Variants in CNNM3 observed in about 807,000 individuals in gnomAD.
CNNM3 encodes cyclin and CBS domain divalent metal cation transport mediator 3, also known as metal transporter CNNM3.
A neutral mutation model predicts 57.1 loss-of-function variants in CNNM3; 47 were observed. The ratio of observed to expected loss-of-function variants is 0.82; its 90% confidence interval spans 0.65 to 1.05. The LOEUF is 1.05. Ranked by LOEUF, CNNM3 falls within the 50% of genes least tolerant of loss-of-function variation. The pLI is 0.00. For missense variants in CNNM3, 957 were observed against 973.7 expected, an observed-to-expected ratio of 0.98 and a Z score of 0.23; for synonymous variants, 507 against 478.2, an observed-to-expected ratio of 1.06 and a Z score of -0.79.
chr2:96,824,221 T>C (rs937878767), intron 1 of CNNM3, among the ~76,000 whole-genome samples: 3 of 152,242 alleles, frequency 2.0e-5, no homozygotes, highest in Non-Finnish European at 2.9e-5. Context: ...CTTGGGCTTT[T>C]TTCCAAGCTT....
Position 96,817,267 on chromosome 2 carries a change from C to A in CNNM3, c.990C>A (p.Ser330Arg). Residue 330 changes from serine (S) to arginine (R), a missense_variant, in exon 1 of 8, where the codon AGC becomes AGA. Around this residue, in one of 2 missense-constraint regions of CNNM3, gnomAD observed 491 missense variants for 570.6 expected, o/e 0.86. Coordinates refer to ENST00000305510, the MANE Select transcript of CNNM3 (RefSeq NM_017623.5). ...PLEDCFMLDA[S>R]TVLDFGVLAS... ...AAGACTGCTTCATGCTGGACGCCAG[C>A]ACCGTGCTGGACTTCGGCGTCCTGG... 1 of 1,612,490 alleles carries A rather than the reference C, an allele frequency of 6.2e-7. No individual in the cohort carries two copies. Among genetic ancestry groups the A allele is most frequent in the Non-Finnish European group, 8.5e-7 (1 of 1,179,992 alleles).
rs59161358 is a variant in CNNM3 at position 96,834,330 on chromosome 2, T to TTTA, written c.*1744_*1746dup. ...ATCAGAGTTTTCAATTTTTTATTTA[T>TTTA]TTATTATTATTATTATTATTATTAT... On this transcript the variant is annotated 3_prime_UTR_variant, in exon 8 of 8. Coordinates refer to ENST00000305510, the MANE Select transcript of CNNM3 (RefSeq NM_017623.5). Among the ~76,000 whole-genome samples the TTTA allele has an allele frequency of 0.098, 14,385 of 146,384 alleles. 958 individuals carry two copies. The highest frequency in any genetic ancestry group is 0.2 in the African/African-American group (7,653 of 38,998).
rs372431096 is a variant in CNNM3 at position 96,817,461 on chromosome 2, A to G, written c.1184A>G (p.Asn395Ser). The G allele has an allele frequency of 9.3e-6, 15 of 1,613,832 alleles. No homozygotes were observed. Among genetic ancestry groups the G allele is most frequent in the African/African-American group, 1.3e-5 (1 of 74,896 alleles). Residue 395 changes from asparagine to serine, a missense_variant, in exon 1 of 8, where the codon AAC becomes AGC. Physicochemically the swap from Asn to Ser is conservative, Grantham distance 46. This residue lies in a region of CNNM3 where 491 missense variants were observed against 570.6 expected (regional missense o/e 0.86). Coordinates refer to ENST00000305510, the MANE Select transcript of CNNM3 (RefSeq NM_017623.5). The stretch of plus-strand genomic sequence containing the variant: ...AACCATCCGCTCCACTTCGTCTTCA[A>G]CGACACCAAGCTGGACGCTGTCCTG... Reference protein sequence around the residue: ...FYNHPLHFVFNDTKLDAVLEE... With the variant: ...FYNHPLHFVFSDTKLDAVLEE...
At chr2:96,820,487 C>T (rs2079389539) in intron 1 of CNNM3, among the ~76,000 whole-genome samples, 1 of 152,206 alleles carries the variant, frequency 6.6e-6, no homozygotes, top group Middle Eastern at 3.4e-3. Flanking sequence ...GCCTCAGCCT[C>T]CTAGGAGCAC....
At position 96,828,676 on chromosome 2, in the gene CNNM3, GCT is replaced by G. The variant is rs1311673508; in HGVS notation, c.1901_1902del (p.Ser634Ter). 9 of 1,614,152 alleles carry G rather than the reference GCT, an allele frequency of 5.6e-6. No homozygotes were observed. Among genetic ancestry groups the G allele is most frequent in the Non-Finnish European group, 7.6e-6 (9 of 1,180,030 alleles). On this transcript the variant is annotated frameshift_variant, in exon 6 of 8. Coordinates refer to ENST00000305510, the MANE Select transcript of CNNM3 (RefSeq NM_017623.5). LOFTEE classifies it high-confidence loss of function. ...AYCPDYTVRA[L>X]SDLQLIKVTR... ...ATTGTCCCGACTACACCGTGAGGGC[GCT>G]CTCTGATCTGCAGCTCATCAAGGTG...
chr2:96,828,814 C>A, intron 6 of CNNM3, 114 bp downstream of exon 6: 1 of 1,498,326 alleles, frequency 6.7e-7, no homozygotes, highest in Non-Finnish European at 9.1e-7. Flanking sequence ...TCCTGAGGGA[C>A]ACAGACCTTT....
chr2:96,835,881 G>A (rs146087054), downstream of CNNM3, among the ~76,000 whole-genome samples: 1 of 152,298 alleles, frequency 6.6e-6, no homozygotes, highest in East Asian at 1.9e-4. Flanking sequence ...TGACAGGTGT[G>A]TCGTGATGCC....
Position 96,833,130 on chromosome 2 carries a change from C to T in CNNM3, c.*514C>T. 1.4e-6 allele frequency: 1 copy of T among 705,650 alleles called. No homozygotes were observed. The highest frequency in any genetic ancestry group is 2.1e-6 in the Non-Finnish European group (1 of 474,604). The allele number at this position is 705,650 out of a possible 1,614,324, so 43.7% of individuals were successfully genotyped here. On this transcript the variant is annotated 3_prime_UTR_variant, in exon 8 of 8. Coordinates refer to ENST00000305510, the MANE Select transcript of CNNM3 (RefSeq NM_017623.5). Reference sequence around the variant, plus strand: ...GATGGCCTTGTCCATGTTGTCCTTTCTGGCTTCCCTGATGGTGTCATGTTT... The same window carrying T: ...GATGGCCTTGTCCATGTTGTCCTTTTTGGCTTCCCTGATGGTGTCATGTTT...
chr2:96,823,543 G>A (rs1032131344), intron 1 of CNNM3, among the ~76,000 whole-genome samples: 1 of 152,198 alleles, frequency 6.6e-6, no homozygotes, highest in African/African-American at 2.4e-5. Flanking sequence ...CAATCTCCAG[G>A]GGCCCTAGCC....
Position 96,824,976 on chromosome 2 carries a change from T to G in CNNM3, c.1226-82T>G, listed in dbSNP as rs2079473770. ...AGGAGCATGAACGTTAGCCGTGTCC[T>G]TTTGGTGGGCCTATACCAGGGGAGA... is the stretch of plus-strand genomic sequence containing the variant. On this transcript the variant is annotated intron_variant, in intron 1 of 7. Transcript: ENST00000305510. The G allele has an allele frequency of 3.3e-6, 5 of 1,528,480 alleles. No homozygotes were observed. The African/African-American group carries it at 6.8e-5, about 21-fold the overall frequency. The allele number at this position is 1,528,480 out of a possible 1,614,324, so 94.7% of individuals were successfully genotyped here.
rs376948935 is a variant in CNNM3 at position 96,821,149 on chromosome 2, C to T, written c.1225+3647C>T. The stretch of plus-strand genomic sequence containing the variant: ...CCCCGCTCCTGTGGTGAGTGAGGGC[C>T]ATTCGTGGGCAGACTGGCCATGTCT... On this transcript the variant is annotated intron_variant, in intron 1 of 7. Transcript: ENST00000305510. 1.5e-4 allele frequency among the ~76,000 whole-genome samples: 23 copies of T among 152,286 alleles called. 2 individuals carry two copies. The highest frequency in any genetic ancestry group is 5.2e-4 in the Admixed American group (8 of 15,296).
chr2:96,817,504 T>C lies in CNNM3; in HGVS notation c.1225+2T>C. The stretch of plus-strand genomic sequence containing the variant: ...CTGTCCTGGAGGAATTCAAGCGAGG[T>C]AACGGCCCGGGCATGGTGCAGGGGA... On this transcript the variant is annotated splice_donor_variant, in intron 1 of 7. Transcript: ENST00000305510. LOFTEE classifies it high-confidence loss of function. 1 of 1,607,762 alleles carries C rather than the reference T, an allele frequency of 6.2e-7. No homozygotes were observed. The highest frequency in any genetic ancestry group is 8.5e-7 in the Non-Finnish European group (1 of 1,175,704).
chr2:96,821,330 T>C (rs750852616), intron 1 of CNNM3, among the ~76,000 whole-genome samples: 1 of 152,156 alleles, frequency 6.6e-6, no homozygotes, highest in African/African-American at 2.4e-5. Context: ...TTGCAGTCTT[T>C]GTGGCGTGTG....
At chr2:96,820,519 A>G (rs922987054) in intron 1 of CNNM3, among the ~76,000 whole-genome samples, 1 of 152,142 alleles carries the variant, frequency 6.6e-6, no homozygotes, top group Non-Finnish European at 1.5e-5. Flanking sequence ...GGGCAAGGGA[A>G]GCCCAGGAGA....
At chr2:96,829,269 TTATATA>T in intron 7 of CNNM3, 135 bp downstream of exon 7, 1 of 1,204,216 alleles carries the variant, frequency 8.3e-7, no homozygotes, top group South Asian at 2.8e-5. Context: ...TTTCCCTTCT[TTATATA>T]TATATATCTA....
At chr2:96,828,053 A>G (rs1339901777) in intron 4 of CNNM3, 46 bp from the exon 5 acceptor site, 4 of 1,592,112 alleles carry the variant, frequency 2.5e-6, no homozygotes, top group Non-Finnish European at 3.4e-6. Flanking sequence ...TCTGACGGGA[A>G]AGGTAATCTG....
intron 1 of CNNM3, among the ~76,000 whole-genome samples, chr2:96,820,536 C>T (rs923440982): frequency 2.0e-5 from 3 of 152,052 alleles, no homozygotes; most frequent in Non-Finnish European, 4.4e-5. Context: ...GAGAAGCTGG[C>T]CAGGAGGAGG....
chr2:96,817,567 G>A (rs890847578), intron 1 of CNNM3, 65 bp downstream of exon 1: 11 of 1,498,422 alleles, frequency 7.3e-6, no homozygotes, highest in African/African-American at 1.4e-5. Flanking sequence ...AAGGGGTGGA[G>A]AGTTATGGAA....
chr2:96,829,938 T>C (rs139630087), intron 7 of CNNM3, among the ~76,000 whole-genome samples: 171 of 152,280 alleles, frequency 1.1e-3, no homozygotes, highest in Non-Finnish European at 1.9e-3. Context: ...TTCATACTAA[T>C]ATTTAAGCGT....
Sources: allele counts gnomAD v4.1 joint callset (sites outside exome capture counted in the v4.1 genomes callset), GRCh38; gene constraint gnomAD v4.1.1; regional missense constraint gnomAD v4.1.1; transcripts MANE v1.5; gene names NCBI Gene and HGNC (gene_info 2026-07-23, HGNC 2026-07-21).